Variants in CCDC171 observed in about 807,000 individuals in gnomAD.
The protein encoded by CCDC171 is coiled-coil domain-containing protein 171.
CCDC171 carries 177 observed loss-of-function variants against 168.2 expected under a neutral mutation model. The observed-to-expected ratio is 1.05, with a 90% CI of 0.93 to 1.19. The LOEUF (loss-of-function observed/expected upper bound fraction) is 1.19, where lower values mean the gene tolerates loss of function less well. Among genes scored for constraint, CCDC171 ranks in the 50% most tolerant of loss-of-function variants. CCDC171 has a pLI of 0.00. For synonymous variants in CCDC171, 687 were observed against 540.8 expected (o/e 1.27, Z -3.75); for missense variants, 1,991 against 1,539.0 (o/e 1.29, Z -4.91).
chr9:15,598,150 C>T (rs917722023), intron 6 of CCDC171, among the ~76,000 whole-genome samples: 1 of 152,094 alleles, frequency 6.6e-6, no homozygotes, highest in Non-Finnish European at 1.5e-5. Flanking sequence ...CTATTTCCTT[C>T]AGTTCTCTTC....
intron 9 of CCDC171, among the ~76,000 whole-genome samples, chr9:15,668,314 C>A (rs2048875064): frequency 6.6e-6 from 1 of 152,082 alleles, no homozygotes; most frequent in Non-Finnish European, 1.5e-5. Context: ...CTGAGTCTAA[C>A]CTATATACTT....
chr9:15,651,010 C>T (rs963490372), intron 7 of CCDC171, among the ~76,000 whole-genome samples: 4 of 152,150 alleles, frequency 2.6e-5, no homozygotes, highest in Non-Finnish European at 4.4e-5. Context: ...CTGCCACCCA[C>T]ACCCTGACAC....
At chr9:15,665,639 G>A (rs967204984) in intron 8 of CCDC171, among the ~76,000 whole-genome samples, 2 of 152,060 alleles carry the variant, frequency 1.3e-5, no homozygotes, top group African/African-American at 4.8e-5. Context: ...CAATTAGCTG[G>A]GTGTGGTGGT....
At chr9:15,630,283 C>A (rs976070441) in intron 7 of CCDC171, among the ~76,000 whole-genome samples, 8 of 152,136 alleles carry the variant, frequency 5.3e-5, no homozygotes, top group African/African-American at 1.9e-4. Context: ...GGAAACCCAT[C>A]TCACGTGCAG....
the CCDC171 span, among the ~76,000 whole-genome samples, chr9:16,108,919 G>A: frequency 1.3e-5 from 2 of 151,970 alleles, no homozygotes; most frequent in Non-Finnish European, 2.9e-5. Flanking sequence ...AAGGAACAAT[G>A]TAACAATAAA....
At chr9:15,798,355 A>G (rs2058660076) in intron 21 of CCDC171, among the ~76,000 whole-genome samples, 1 of 152,120 alleles carries the variant, frequency 6.6e-6, no homozygotes, top group Non-Finnish European at 1.5e-5. Context: ...TTCAAAAAAC[A>G]TAAGCTTTGG....
intron 7 of CCDC171, among the ~76,000 whole-genome samples, chr9:15,637,243 A>G (rs2046269104): frequency 6.6e-6 from 1 of 152,144 alleles, no homozygotes. Context: ...GCAACAGAGC[A>G]AGACTCTATC....
chr9:16,005,986 A>T (rs1241205652), intron 3 of CCDC171, among the ~76,000 whole-genome samples: 1 of 151,856 alleles, frequency 6.6e-6, no homozygotes, highest in African/African-American at 2.4e-5. Flanking sequence ...CAGCCTCCTG[A>T]GTGGCTGGGA....
intron 18 of CCDC171, among the ~76,000 whole-genome samples, chr9:15,773,803 A>G (rs956180975): frequency 1.2e-4 from 18 of 152,196 alleles, no homozygotes; most frequent in Non-Finnish European, 2.4e-4. Context: ...GCATAATTAA[A>G]CTAAAAAGCT....
chr9:15,675,749 G>C (rs1415165131), intron 9 of CCDC171, among the ~76,000 whole-genome samples: 1 of 152,212 alleles, frequency 6.6e-6, no homozygotes, highest in African/African-American at 2.4e-5. Flanking sequence ...TCCGCTGTTA[G>C]TCTCATGGGC....
At chr9:15,728,120 T>A in intron 15 of CCDC171, 84 bp downstream of exon 15, 1 of 999,678 alleles carries the variant, frequency 1.0e-6, no homozygotes, top group South Asian at 2.0e-5. Flanking sequence ...GGGCTGACAT[T>A]CATCTTATTT....
At chr9:16,098,670 C>G in the CCDC171 span, among the ~76,000 whole-genome samples, 47 of 152,344 alleles carry the variant, frequency 3.1e-4, no homozygotes, top group Middle Eastern at 0.01. Flanking sequence ...ACTTAAAACA[C>G]TACTAGTTGG....
At chr9:15,855,872 T>G (rs1020391338) in intron 23 of CCDC171, among the ~76,000 whole-genome samples, 13 of 152,060 alleles carry the variant, frequency 8.5e-5, no homozygotes, top group African/African-American at 3.1e-4. Context: ...TCTTATATAT[T>G]GTGTGCCCGT....
At chr9:16,040,747 A>G (rs117274976), upstream of CCDC171, among the ~76,000 whole-genome samples, 789 of 152,330 alleles carry the variant, frequency 5.2e-3, 5 homozygotes, top group Middle Eastern at 0.01. Flanking sequence ...CGTGGTTGAA[A>G]TACACAAATG....
chr9:15,591,067 A>C lies in CCDC171; in HGVS notation c.353-299A>C, dbSNP rs150855438. Among the ~76,000 whole-genome samples the C allele has an allele frequency of 1.1e-4, 16 of 152,090 alleles. No homozygotes were observed. The East Asian group carries it at 3.1e-3, about 29-fold the overall frequency. On this transcript the variant is annotated intron_variant, in intron 4 of 25. Coordinates refer to ENST00000380701, the MANE Select transcript of CCDC171 (RefSeq NM_173550.4). Reference sequence around the variant, plus strand: ...CCAATAGAGTTGCAGCTGGTGCTAGAAGTGCACCTAAACTTGGATATGCCT... The same window carrying C: ...CCAATAGAGTTGCAGCTGGTGCTAGCAGTGCACCTAAACTTGGATATGCCT...
In CCDC171 at chr9:15,839,192, T is replaced by G. The variant is rs146385995; in HGVS notation, c.3268-7510T>G. ...ATCTTGAGTTGTACATTCTTCAATG[T>G]TTGATGTTGAAAGTGTATCCTTAAA... On this transcript the variant is annotated intron_variant, in intron 21 of 25. Transcript: ENST00000380701. Among the ~76,000 whole-genome samples, 9 of 152,312 alleles carry G rather than the reference T, an allele frequency of 5.9e-5. No individual in the cohort carries two copies. In the East Asian group the frequency reaches 1.7e-3, roughly 29 times the overall value.
intron 3 of CCDC171, among the ~76,000 whole-genome samples, chr9:15,573,356 A>G (rs1220163290): frequency 3.3e-5 from 5 of 152,060 alleles, no homozygotes; most frequent in African/African-American, 1.2e-4. Flanking sequence ...GCTCACTGCA[A>G]CCACTGCCTC....
the CCDC171 span, among the ~76,000 whole-genome samples, chr9:16,070,172 T>A: frequency 6.6e-6 from 1 of 152,244 alleles, no homozygotes; most frequent in Middle Eastern, 3.4e-3. Flanking sequence ...TGGTTTGATG[T>A]CTTGGCGCAC....
chr9:15,666,266 A>T lies in CCDC171; in HGVS notation c.1019A>T (p.Glu340Val), dbSNP rs1199526505. Reference sequence around the variant, plus strand: ...ATCAAGAATGAATTCAAAGAAGTTGAAAGTGCATATGAGCGAGAAAAGCAT... The same window carrying T: ...ATCAAGAATGAATTCAAAGAAGTTGTAAGTGCATATGAGCGAGAAAAGCAT... ...EIIKNEFKEV[E>V]SAYEREKHNA... Residue 340 changes from glutamate to valine, a missense_variant, in exon 9 of 26, where the codon GAA (glutamate) becomes GTA (valine). By Grantham distance (121) the Glu-to-Val change is moderately radical. Transcript: ENST00000380701. The T allele has an allele frequency of 6.2e-7, 1 of 1,613,912 alleles. No homozygotes were observed. Among genetic ancestry groups the T allele is most frequent in the Admixed American group, 1.7e-5 (1 of 60,024 alleles).
Sources: allele counts gnomAD v4.1 joint callset (sites outside exome capture counted in the v4.1 genomes callset), GRCh38; gene constraint gnomAD v4.1.1; transcripts MANE v1.5; gene names NCBI Gene and HGNC (gene_info 2026-07-23, HGNC 2026-07-21).